The following MYO19 variants were observed in gnomAD, a reference collection of about 807,000 sequenced individuals.
MYO19 encodes the protein unconventional myosin-XIX.
In MYO19, 132 loss-of-function variants were observed where a neutral mutation model predicts 129.2. The ratio of observed to expected loss-of-function variants is 1.02; its 90% CI spans 0.89 to 1.18. The LOEUF (loss-of-function observed/expected upper bound fraction) is 1.18. MYO19 is among the 50% of genes most tolerant of loss of function. MYO19 has a pLI of 0.00. For synonymous variants in MYO19, 531 were observed against 477.2 expected (o/e 1.11, Z -1.47); for missense variants, 1,210 against 1,216.7 (o/e 0.99, Z 0.08).
At chr17:36,513,577 G>C in intron 10 of MYO19, 52 bp downstream of exon 10, 1 of 1,613,754 alleles carries the variant, frequency 6.2e-7, no homozygotes, top group Non-Finnish European at 8.5e-7. Context: ...TCTGTACAGA[G>C]TGGGTGGGTG....
intron 6 of MYO19, among the ~76,000 whole-genome samples, chr17:36,520,505 G>A (rs1014517073): frequency 6.6e-6 from 1 of 151,966 alleles, no homozygotes; most frequent in Non-Finnish European, 1.5e-5. Context: ...GAATTGCATG[G>A]GTCCACTTAT....
intron 11 of MYO19, chr17:36,513,145 C>T: frequency 7.2e-7 from 1 of 1,394,202 alleles, no homozygotes; most frequent in Non-Finnish European, 9.3e-7. Flanking sequence ...CACTAGTTCT[C>T]TCTTCTGATC....
At position 36,500,938 on chromosome 17, in the gene MYO19, G is replaced by T. The variant is rs745457405; in HGVS notation, c.2269C>A (p.Arg757Ser). The T allele has an allele frequency of 6.2e-7, 1 of 1,611,648 alleles. No individual in the cohort carries two copies. Among genetic ancestry groups the T allele is most frequent in the Non-Finnish European group, 8.5e-7 (1 of 1,178,732 alleles). The change falls in exon 23 of 26, where the codon CGT (arginine) becomes AGT (serine). Residue 757 changes from arginine (R) to serine (S), a missense_variant. Arg to Ser is a moderately radical substitution (Grantham distance 110, BLOSUM62 -1). Transcript: ENST00000614623. ...GCACACTGCTCCAGCACCCGGGCAC[G>T]CCCACATTCCAGAAGCTCCAGCTGG... is the stretch of plus-strand genomic sequence containing the variant. Reference protein sequence around the residue: ...DSMLELLECGRARVLEQCARC... With the variant: ...DSMLELLECGSARVLEQCARC...
Position 36,514,317 on chromosome 17 carries a change from A to G in MYO19, c.720+129T>C, listed in dbSNP as rs560962810. On this transcript the variant is annotated intron_variant, in intron 9 of 25. Transcript: ENST00000614623. ...GTGCTGCATGTAAAGTCTGCAGGATAAAGTGGTGGCTCCATCAAAAGCTAG... is the reference window on the plus strand; with the variant it reads ...GTGCTGCATGTAAAGTCTGCAGGATGAAGTGGTGGCTCCATCAAAAGCTAG... 7 of 688,160 alleles carry G rather than the reference A, an allele frequency of 1.0e-5. No individual in the cohort carries two copies. The East Asian group carries it at 1.3e-4, about 12-fold the overall frequency. The allele number at this position is 688,160 out of a possible 1,614,324, so 42.6% of individuals were successfully genotyped here.
chr17:36,535,790 G>A (rs550246087), upstream of MYO19, among the ~76,000 whole-genome samples: 9 of 152,048 alleles, frequency 5.9e-5, no homozygotes, highest in African/African-American at 2.2e-4. Context: ...GGCATTACAG[G>A]CGCGCACCAC....
rs148766155 is a variant in MYO19, at chr17:36,514,526, C to T, written c.640G>A (p.Ala214Thr). ...LNRAQQMTGA[A>T]VQTYLLEKTR... is the part of the protein sequence containing the mutation. ...TTCTCTAGGAGGTAGGTCTGGACTG[C>T]GGCTCCAGTCATTTGCTGAGCCCTG... The change falls in exon 9 of 26, where the codon GCA (alanine) becomes ACA (threonine). Residue 214 changes from alanine (A) to threonine (T), a missense_variant. Physicochemically the swap from Ala to Thr is moderately conservative, Grantham distance 58 (BLOSUM62 0). Coordinates refer to ENST00000614623, the MANE Select transcript of MYO19 (RefSeq NM_001163735.2). 4.9e-4 allele frequency: 782 copies of T among 1,612,184 alleles called. No homozygotes were observed. Among genetic ancestry groups the T allele is most frequent in the Admixed American group, 1.8e-3 (109 of 59,998 alleles).
At chr17:36,521,196 T>C (rs1175967730) in intron 6 of MYO19, among the ~76,000 whole-genome samples, 1 of 152,200 alleles carries the variant, frequency 6.6e-6, no homozygotes, top group Non-Finnish European at 1.5e-5. Flanking sequence ...AAAAAGCTAC[T>C]TACAGTGAGG....
Position 36,511,068 on chromosome 17 carries a change from C to G in MYO19, c.986-151G>C, listed in dbSNP as rs546075235. On this transcript the variant is annotated intron_variant, in intron 12 of 25. Coordinates refer to ENST00000614623, the MANE Select transcript of MYO19 (RefSeq NM_001163735.2). ...AGTGAAGTGACTCACCCAAAGGACTCCATAAACAGCAGTCAGAACTCAAAC... is the reference window on the plus strand; with the variant it reads ...AGTGAAGTGACTCACCCAAAGGACTGCATAAACAGCAGTCAGAACTCAAAC... The G allele has an allele frequency of 7.1e-5, 65 of 909,122 alleles. No individual in the cohort carries two copies. In the South Asian group the frequency reaches 1.1e-3, roughly 15 times the overall value. The allele number at this position is 909,122 out of a possible 1,614,324, so 56.3% of individuals were successfully genotyped here.
chr17:36,520,112 T>C (rs1350528744), intron 6 of MYO19, among the ~76,000 whole-genome samples: 4 of 152,128 alleles, frequency 2.6e-5, no homozygotes, highest in African/African-American at 9.6e-5. Flanking sequence ...GTAGCTGGGA[T>C]TTCAGGCACC....
At chr17:36,506,364 A>G in intron 18 of MYO19, 92 bp downstream of exon 18, 2 of 1,552,786 alleles carry the variant, frequency 1.3e-6, no homozygotes, top group Non-Finnish European at 1.8e-6. Context: ...CTGCTCCCCA[A>G]CAAACAGCAC....
At chr17:36,535,454 G>A (rs2074083092), upstream of MYO19, 1 of 152,286 alleles carries the variant, frequency 6.6e-6, no homozygotes, top group Non-Finnish European at 1.5e-5. Flanking sequence ...CGGCCCGGAA[G>A]TGCCAGCTGC....
intron 11 of MYO19, among the ~76,000 whole-genome samples, chr17:36,511,675 T>C (rs1172803456): frequency 6.6e-6 from 1 of 152,194 alleles, no homozygotes; most frequent in Non-Finnish European, 1.5e-5. Context: ...CCACTGCCTA[T>C]GATAGAGATG....
At chr17:36,512,238 A>G (rs900236505) in intron 11 of MYO19, among the ~76,000 whole-genome samples, 1 of 99,542 alleles carries the variant, frequency 1.0e-5, no homozygotes. Flanking sequence ...CACACACACA[A>G]AATTAGCTGG....
In MYO19 at chr17:36,523,016, A is replaced by C. The variant is rs1205245593; in HGVS notation, c.414+2212T>G. Among the ~76,000 whole-genome samples the C allele has an allele frequency of 4.8e-5, 7 of 146,722 alleles. No individual in the cohort carries two copies. The East Asian group carries it at 9.9e-4, about 21-fold the overall frequency. The stretch of plus-strand genomic sequence containing the variant: ...GCAAGACTCCGTCTCAAAAAAAAAA[A>C]CAAAAAACAAAAAAAAAAAACTTTG... On this transcript the variant is annotated intron_variant, in intron 6 of 25. Transcript: ENST00000614623.
rs1436174694 is a variant in MYO19 at position 36,532,562 on chromosome 17, G to A, written c.-24C>T. ...ATCCTCCTTCAAAGTGGTCAGCCAG[G>A]GTTCTGGGTTGCAGGAGGTACAAGG... On this transcript the variant is annotated 5_prime_UTR_variant, in exon 3 of 26. Coordinates refer to ENST00000614623, the MANE Select transcript of MYO19 (RefSeq NM_001163735.2). 6.4e-7 allele frequency: 1 copy of A among 1,553,822 alleles called. No individual in the cohort carries two copies. The highest frequency in any genetic ancestry group is 1.2e-5 in the South Asian group (1 of 84,118).
Position 36,496,411 on chromosome 17 carries a change from A to AG in MYO19, c.2758-6dup. The AG allele has an allele frequency of 6.2e-7, 1 of 1,613,826 alleles. No individual in the cohort carries two copies. The highest frequency in any genetic ancestry group is 8.5e-7 in the Non-Finnish European group (1 of 1,179,770). ...GCAGTGAAACTTTATCGATCCCTAG[A>AG]GGGGAGAGAGAGATGCAGCTTTAGC... On this transcript the variant is annotated splice_region_variant and splice_polypyrimidine_tract_variant and intron_variant, in intron 25 of 25. Coordinates refer to ENST00000614623, the MANE Select transcript of MYO19 (RefSeq NM_001163735.2).
intron 2 of MYO19, among the ~76,000 whole-genome samples, chr17:36,540,909 TAAC>T (rs2074194154): frequency 6.6e-6 from 1 of 152,182 alleles, no homozygotes; most frequent in South Asian, 2.1e-4. Flanking sequence ...GAGGGAAAGA[TAAC>T]AAAGTGAGGA....
At chr17:36,524,782 C>T (rs565715875) in intron 6 of MYO19, among the ~76,000 whole-genome samples, 2 of 152,220 alleles carry the variant, frequency 1.3e-5, no homozygotes, top group Non-Finnish European at 2.9e-5. Flanking sequence ...TCATTTAACT[C>T]TCACAGAAGT....
In MYO19 at chr17:36,527,691, A is replaced by G. The variant is rs764068516; in HGVS notation, c.160T>C (p.Cys54Arg). 1.2e-6 allele frequency: 2 copies of G among 1,611,018 alleles called. No homozygotes were observed. The highest frequency in any genetic ancestry group is 2.2e-5 in the South Asian group (2 of 90,678). Residue 54 changes from cysteine (C) to arginine (R), a missense_variant, in exon 5 of 26, where the codon TGC becomes CGC. Transcript: ENST00000614623. ...NPVTLETVLR[C>R]LQARYMADTF... is the part of the protein sequence containing the mutation. Reference sequence around the variant, plus strand: ...TCTGCCATGTACCGGGCCTGCAGGCACCTCAGGACTGAGGCAGAGATGCCT... The same window carrying G: ...TCTGCCATGTACCGGGCCTGCAGGCGCCTCAGGACTGAGGCAGAGATGCCT...
Sources: allele counts gnomAD v4.1 joint callset (sites outside exome capture counted in the v4.1 genomes callset), GRCh38; gene constraint gnomAD v4.1.1; transcripts MANE v1.5; gene names NCBI Gene and HGNC (gene_info 2026-07-23, HGNC 2026-07-21).